Variants in SNTG1 observed in about 807,000 individuals in gnomAD.
SNTG1 encodes gamma-1-syntrophin.
SNTG1 carries 39 observed loss-of-function variants against 74.7 expected under a neutral mutation model. That is an observed-to-expected ratio of 0.52 (90% CI 0.40 to 0.68). The LOEUF is 0.68. SNTG1 is among the 30% of genes least tolerant of loss of function. The pLI is 0.00. For synonymous variants in SNTG1, 254 were observed against 217.1 expected (o/e 1.17, Z -1.49); for missense variants, 685 against 609.5 (o/e 1.12, Z -1.30).
intron 13 of SNTG1, among the ~76,000 whole-genome samples, chr8:50,622,946 C>T (rs1406858925): frequency 6.6e-6 from 1 of 152,018 alleles, no homozygotes; most frequent in Non-Finnish European, 1.5e-5. Context: ...TTCTGAAATT[C>T]CATTTATAAG....
At chr8:50,773,390 T>C (rs147557595) in intron 18 of SNTG1, among the ~76,000 whole-genome samples, 10 of 152,194 alleles carry the variant, frequency 6.6e-5, no homozygotes, top group African/African-American at 2.4e-4. Context: ...TGGCTAGCCT[T>C]AAAGATCTGT....
chr8:50,048,380 A>G (rs1023457329), intron 1 of SNTG1, among the ~76,000 whole-genome samples: 3 of 152,210 alleles, frequency 2.0e-5, no homozygotes, highest in Non-Finnish European at 4.4e-5. Context: ...CTTTACATTT[A>G]CTGCTGCTAG....
intron 1 of SNTG1, among the ~76,000 whole-genome samples, chr8:49,999,389 G>C (rs1210742144): frequency 6.6e-6 from 1 of 152,038 alleles, no homozygotes; most frequent in Non-Finnish European, 1.5e-5. Context: ...CTTCTGCCTG[G>C]AAGCAGAGTG....
chr8:50,280,658 C>T (rs570413227), intron 2 of SNTG1, among the ~76,000 whole-genome samples: 1 of 152,200 alleles, frequency 6.6e-6, no homozygotes, highest in East Asian at 1.9e-4. Context: ...GATTTTCTGA[C>T]TGGCAATTGG....
intron 2 of SNTG1, chr8:50,381,838 A>ATATATATATATTT (rs1563309697): frequency 7.9e-6 from 1 of 126,690 alleles, no homozygotes; most frequent in African/African-American, 2.8e-5. Context: ...TATATATATT[A>ATATATATATATTT]TATATATATA....
At chr8:50,733,583 C>T (rs2095518281) in intron 17 of SNTG1, among the ~76,000 whole-genome samples, 1 of 151,860 alleles carries the variant, frequency 6.6e-6, no homozygotes, top group South Asian at 2.1e-4. Flanking sequence ...TTCAGCCTTA[C>T]CAGGATCTGT....
chr8:50,390,968 G>A (rs2092649678), intron 2 of SNTG1, among the ~76,000 whole-genome samples: 1 of 147,970 alleles, frequency 6.8e-6, no homozygotes, highest in Admixed American at 6.7e-5. Context: ...AGGAGATTTT[G>A]GGCCAAGATG....
At chr8:50,074,569 T>C (rs575155121) in intron 1 of SNTG1, among the ~76,000 whole-genome samples, 3 of 152,234 alleles carry the variant, frequency 2.0e-5, no homozygotes, top group Non-Finnish European at 4.4e-5. Flanking sequence ...AAGTTGTATA[T>C]GGTCGTGATT....
chr8:50,192,500 G>A (rs2083613343), intron 2 of SNTG1, among the ~76,000 whole-genome samples: 1 of 151,884 alleles, frequency 6.6e-6, no homozygotes, highest in South Asian at 2.1e-4. Flanking sequence ...CATTTTGATG[G>A]GATTGTTTGT....
intron 5 of SNTG1, among the ~76,000 whole-genome samples, chr8:50,440,947 C>T (rs1356743519): frequency 5.3e-5 from 8 of 152,124 alleles, no homozygotes; most frequent in Admixed American, 4.6e-4. Flanking sequence ...CCTTTTTAGA[C>T]AGAATTCAGT....
At chr8:50,700,585 G>A (rs1349176287) in intron 15 of SNTG1, among the ~76,000 whole-genome samples, 1 of 152,060 alleles carries the variant, frequency 6.6e-6, no homozygotes, top group Non-Finnish European at 1.5e-5. Flanking sequence ...TTTCTTAGCA[G>A]GATCACCTGG....
At chr8:50,772,194 C>A (rs1057480598) in intron 18 of SNTG1, among the ~76,000 whole-genome samples, 4 of 152,086 alleles carry the variant, frequency 2.6e-5, no homozygotes, top group Admixed American at 6.6e-5. Context: ...CTACAGGAAC[C>A]AAACTTCAAT....
chr8:50,662,126 C>T (rs1034220546), intron 15 of SNTG1, among the ~76,000 whole-genome samples: 2 of 152,144 alleles, frequency 1.3e-5, no homozygotes. Context: ...CAGCCTAAAT[C>T]AGAGGGGGAG....
At position 50,254,064 on chromosome 8, in the gene SNTG1, A is replaced by G. The variant is rs2129951150; in HGVS notation, c.-28+81429A>G. Among the ~76,000 whole-genome samples the G allele has an allele frequency of 3.3e-5, 5 of 152,318 alleles. No individual in the cohort carries two copies. In the South Asian group the frequency reaches 1.0e-3, roughly 32 times the overall value. On this transcript the variant is annotated intron_variant, in intron 2 of 18. Coordinates refer to ENST00000642720, the MANE Select transcript of SNTG1 (RefSeq NM_018967.5). Reference sequence around the variant, plus strand: ...GAGGATTTTGAATATTCTCACCTCAATGAAATGATCAATGCATGAGGTGAT... The same window carrying G: ...GAGGATTTTGAATATTCTCACCTCAGTGAAATGATCAATGCATGAGGTGAT...
chr8:50,153,869 G>T (rs1226803089), intron 1 of SNTG1, among the ~76,000 whole-genome samples: 1 of 152,302 alleles, frequency 6.6e-6, no homozygotes, highest in Middle Eastern at 3.4e-3. Context: ...ACTTGAGGAG[G>T]CAGTCTGTCT....
intron 2 of SNTG1, among the ~76,000 whole-genome samples, chr8:50,338,901 T>G (rs2091235687): frequency 6.6e-6 from 1 of 152,040 alleles, no homozygotes; most frequent in Admixed American, 6.6e-5. Context: ...TTTCCAAAAC[T>G]AATGACAGGT....
At chr8:50,428,442 G>T (rs1339846547) in intron 4 of SNTG1, among the ~76,000 whole-genome samples, 4 of 152,170 alleles carry the variant, frequency 2.6e-5, no homozygotes, top group Non-Finnish European at 4.4e-5. Context: ...CATCACTGTG[G>T]TTCTGTTTAT....
intron 3 of SNTG1, among the ~76,000 whole-genome samples, chr8:50,398,616 T>G (rs1314990314): frequency 6.6e-6 from 1 of 152,224 alleles, no homozygotes; most frequent in African/African-American, 2.4e-5. Flanking sequence ...TTGTGTTTTA[T>G]TACATATGTA....
chr8:50,782,580 A>T (rs868836350), intron 18 of SNTG1, among the ~76,000 whole-genome samples: 38 of 151,900 alleles, frequency 2.5e-4, no homozygotes, highest in African/African-American at 9.2e-4. Flanking sequence ...ACTTCTCTGT[A>T]TTGGTTATTC....
Sources: allele counts gnomAD v4.1 joint callset (sites outside exome capture counted in the v4.1 genomes callset), GRCh38; gene constraint gnomAD v4.1.1; transcripts MANE v1.5; gene names NCBI Gene and HGNC (gene_info 2026-07-23, HGNC 2026-07-21).